Variants in TAMM41 observed in about 807,000 individuals in gnomAD.
The protein encoded by TAMM41 is phosphatidate cytidylyltransferase, mitochondrial.
In TAMM41, 36 loss-of-function variants were observed where a neutral mutation model predicts 44.1. That is an observed-to-expected ratio of 0.82 (90% CI 0.63 to 1.08). TAMM41 has a LOEUF of 1.08. TAMM41 is among the 50% of genes least tolerant of loss of function. TAMM41 has a pLI of 0.00. For missense variants in TAMM41, 417 were observed against 404.3 expected (o/e 1.03, Z -0.27); for synonymous variants, 164 against 153.1 (o/e 1.07, Z -0.53).
the TAMM41 span, among the ~76,000 whole-genome samples, chr3:11,759,318 C>T: frequency 6.6e-6 from 1 of 151,958 alleles, no homozygotes; most frequent in African/African-American, 2.4e-5. Context: ...CAGGAAACAC[C>T]TAGATGCTTA....
chr3:11,754,492 G>A, the TAMM41 span, among the ~76,000 whole-genome samples: 73 of 151,964 alleles, frequency 4.8e-4, no homozygotes, highest in African/African-American at 1.7e-3. Context: ...TCCCACCTCA[G>A]CCTCTCGAGT....
chr3:11,816,799 A>C (rs181737253), intron 5 of TAMM41, among the ~76,000 whole-genome samples: 113 of 152,170 alleles, frequency 7.4e-4, no homozygotes, highest in Non-Finnish European at 2.6e-4. Context: ...AAACAACAAC[A>C]ACCAGACACC....
chr3:11,733,561 C>T, the TAMM41 span, among the ~76,000 whole-genome samples: 2 of 150,934 alleles, frequency 1.3e-5, no homozygotes, highest in Admixed American at 6.6e-5. Context: ...GGCACCATCT[C>T]GGCTCACTGC....
intron 2 of TAMM41, 23 bp downstream of exon 2, chr3:11,844,006 G>A (rs1381535455): frequency 1.2e-6 from 2 of 1,607,998 alleles, no homozygotes; most frequent in Non-Finnish European, 1.7e-6. Context: ...GCCAAGTTAA[G>A]ACAAAGGCCA....
At chr3:11,760,046 A>G in the TAMM41 span, among the ~76,000 whole-genome samples, 7 of 152,326 alleles carry the variant, frequency 4.6e-5, no homozygotes, top group East Asian at 1.2e-3. Flanking sequence ...AAGTGGACAG[A>G]CCTAATAATA....
the TAMM41 span, among the ~76,000 whole-genome samples, chr3:11,781,728 C>A: frequency 1.4e-5 from 2 of 140,006 alleles, no homozygotes; most frequent in East Asian, 2.1e-4. Context: ...AAGTGGGACT[C>A]CATCTCAAAA....
chr3:11,811,801 G>A (rs774820317), intron 5 of TAMM41, among the ~76,000 whole-genome samples: 6 of 152,158 alleles, frequency 3.9e-5, no homozygotes, highest in Non-Finnish European at 8.8e-5. Flanking sequence ...AGCTGGGGAC[G>A]GCTAAAGGGT....
At chr3:11,767,974 C>A in the TAMM41 span, among the ~76,000 whole-genome samples, 2 of 150,786 alleles carry the variant, frequency 1.3e-5, no homozygotes, top group East Asian at 4.0e-4. Context: ...GGGTGCAAAT[C>A]AAAGCCACAG....
At chr3:11,823,402 C>T (rs1425698104) in intron 4 of TAMM41, among the ~76,000 whole-genome samples, 1 of 150,538 alleles carries the variant, frequency 6.6e-6, no homozygotes, top group African/African-American at 2.4e-5. Context: ...ATTACAGGTG[C>T]ACACCACCAC....
chr3:11,765,405 T>C, the TAMM41 span, among the ~76,000 whole-genome samples: 4 of 152,290 alleles, frequency 2.6e-5, no homozygotes, highest in African/African-American at 9.6e-5. Context: ...AACAACACTA[T>C]GGAGTAAATA....
chr3:11,826,503 T>G (rs1435962463), intron 4 of TAMM41, among the ~76,000 whole-genome samples: 1 of 119,344 alleles, frequency 8.4e-6, no homozygotes, highest in African/African-American at 3.4e-5. Context: ...CACTCTAGCT[T>G]GGGCGACAGA....
the TAMM41 span, among the ~76,000 whole-genome samples, chr3:11,777,532 G>A: frequency 3.9e-5 from 6 of 152,150 alleles, no homozygotes; most frequent in East Asian, 1.9e-4. Context: ...GGTGGCTCAC[G>A]CCTGTAATCC....
At position 11,829,772 on chromosome 3, in the gene TAMM41, G is replaced by C; in HGVS notation, c.504C>G (p.Leu168=). Residue 168 remains leucine, a synonymous_variant, in exon 4 of 8, where the codon CTC becomes CTG. Coordinates refer to ENST00000455809, the MANE Select transcript of TAMM41 (RefSeq NM_001284401.2). ...KSAVTAAFLM[L]PESFSEEDLF... is the part of the protein sequence containing the mutation. Reference sequence around the variant, plus strand: ...GGTCTTCTTCAGAAAAGCTTTCGGGGAGCATGAGGAAAGCAGCGGTCACAG... The same window carrying C: ...GGTCTTCTTCAGAAAAGCTTTCGGGCAGCATGAGGAAAGCAGCGGTCACAG... 1 of 1,614,166 alleles carries C rather than the reference G, an allele frequency of 6.2e-7. No homozygotes were observed.
the TAMM41 span, among the ~76,000 whole-genome samples, chr3:11,767,103 A>C: frequency 1.3e-5 from 2 of 151,976 alleles, no homozygotes; most frequent in Non-Finnish European, 1.5e-5. Flanking sequence ...GAGTCTCACT[A>C]TGTCACCCAG....
the TAMM41 span, among the ~76,000 whole-genome samples, chr3:11,723,258 C>T: frequency 6.6e-6 from 1 of 152,070 alleles, no homozygotes; most frequent in Non-Finnish European, 1.5e-5. Context: ...TAGGTCCTAG[C>T]TTGGTAGGTT....
chr3:11,752,494 G>A, the TAMM41 span, among the ~76,000 whole-genome samples: 29 of 152,008 alleles, frequency 1.9e-4, no homozygotes, highest in African/African-American at 6.5e-4. Context: ...TGATTGGTGC[G>A]TTTTACAATC....
chr3:11,726,636 C>G, the TAMM41 span, among the ~76,000 whole-genome samples: 2 of 151,990 alleles, frequency 1.3e-5, no homozygotes, highest in African/African-American at 2.4e-5. Flanking sequence ...AACCCCGTCT[C>G]TACTAAAAGT....
the TAMM41 span, among the ~76,000 whole-genome samples, chr3:11,762,265 A>C: frequency 6.6e-6 from 1 of 152,150 alleles, no homozygotes; most frequent in Non-Finnish European, 1.5e-5. Flanking sequence ...TCAAAGCACA[A>C]TCTTAAGAAA....
At chr3:11,755,963 A>C in the TAMM41 span, among the ~76,000 whole-genome samples, 3 of 152,258 alleles carry the variant, frequency 2.0e-5, no homozygotes, top group South Asian at 4.1e-4. Context: ...ATGTTTGGAC[A>C]TCACACAGTC....
Sources: allele counts gnomAD v4.1 joint callset (sites outside exome capture counted in the v4.1 genomes callset), GRCh38; gene constraint gnomAD v4.1.1; transcripts MANE v1.5; gene names NCBI Gene and HGNC (gene_info 2026-07-23, HGNC 2026-07-21).